PLXNA4: variants seen among roughly 807,000 people sequenced by gnomAD.
The protein encoded by PLXNA4 is plexin-A4.
Under a neutral mutation model 191.8 loss-of-function variants are expected in PLXNA4, and 44 were observed. The observed-to-expected ratio is 0.23, with a 90% confidence interval of 0.18 to 0.29. The LOEUF (loss-of-function observed/expected upper bound fraction) is 0.29. Ranked by LOEUF, PLXNA4 falls within the 10% of genes least tolerant of loss-of-function variation. The probability of loss-of-function intolerance (pLI) is 1.00; values close to 1 mark genes in which losing one functional copy is unlikely to be tolerated. For synonymous variants in PLXNA4, 1,082 were observed against 1,009.5 expected (o/e 1.07, Z -1.36); for missense variants, 1,800 against 2,488.8 (o/e 0.72, Z 5.89).
chr7:132,507,647 G>C lies in PLXNA4; in HGVS notation c.1047C>G (p.Ser349=), dbSNP rs185422182. The change falls in exon 2 of 32, where the codon TCC becomes TCG. Residue 349 remains serine, a synonymous_variant. Coordinates refer to ENST00000321063, the MANE Select transcript of PLXNA4 (RefSeq NM_020911.2). ...AGATGCACAGGGCCGACTCATCCAG[G>C]GATTTCATTTTCCGCTTCTGGCCCT... ...FSKGQKRKMK[S]LDESALCIFI... is the part of the protein sequence containing the mutation. 1.9e-6 allele frequency: 3 copies of C among 1,614,198 alleles called. No homozygotes were observed. In the African/African-American group the frequency reaches 4.0e-5, roughly 22 times the overall value.
At chr7:132,291,557 G>A (rs531982154) in intron 4 of PLXNA4, among the ~76,000 whole-genome samples, 1 of 152,184 alleles carries the variant, frequency 6.6e-6, no homozygotes, top group African/African-American at 2.4e-5. Context: ...GAATGAATAA[G>A]GTGCTGAGGG....
chr7:132,381,392 A>C (rs955472931), intron 3 of PLXNA4, among the ~76,000 whole-genome samples: 1 of 152,256 alleles, frequency 6.6e-6, no homozygotes, highest in Admixed American at 6.5e-5. Flanking sequence ...AAAAGAAGTG[A>C]TTCAAAATGT....
chr7:132,580,099 C>A (rs2116810955), upstream of PLXNA4, among the ~76,000 whole-genome samples: 1 of 152,232 alleles, frequency 6.6e-6, no homozygotes, highest in South Asian at 2.1e-4. Context: ...CAATGACATT[C>A]AAAGGACATA....
chr7:132,357,595 A>T (rs370644433), intron 3 of PLXNA4, among the ~76,000 whole-genome samples: 10 of 152,312 alleles, frequency 6.6e-5, no homozygotes, highest in African/African-American at 2.4e-4. Context: ...GTTGCCATGA[A>T]GATAGGATCC....
intron 3 of PLXNA4, among the ~76,000 whole-genome samples, chr7:132,405,354 T>C (rs1794176126): frequency 6.6e-6 from 1 of 152,146 alleles, no homozygotes; most frequent in Non-Finnish European, 1.5e-5. Flanking sequence ...TAGGAAATCC[T>C]AGGAACTGTG....
At chr7:132,580,357 C>A (rs1802379857), upstream of PLXNA4, among the ~76,000 whole-genome samples, 1 of 152,160 alleles carries the variant, frequency 6.6e-6, no homozygotes, top group Non-Finnish European at 1.5e-5. Context: ...TCCTCTACCC[C>A]CTCTCCCTTG....
At chr7:132,511,053 T>C (rs1798694238) in intron 1 of PLXNA4, among the ~76,000 whole-genome samples, 1 of 152,124 alleles carries the variant, frequency 6.6e-6, no homozygotes, top group African/African-American at 2.4e-5. Flanking sequence ...GAGCTGAGGG[T>C]CTGTGAACTC....
chr7:132,183,702 C>T (rs1796785987), intron 16 of PLXNA4, among the ~76,000 whole-genome samples: 1 of 152,228 alleles, frequency 6.6e-6, no homozygotes, highest in Non-Finnish European at 1.5e-5. Context: ...AGACGATTTT[C>T]CCCTCTCTGT....
intron 2 of PLXNA4, among the ~76,000 whole-genome samples, chr7:132,620,578 G>A (rs1803240791): frequency 1.3e-5 from 2 of 152,138 alleles, no homozygotes; most frequent in Admixed American, 1.3e-4. Context: ...ACATTGCCCT[G>A]GTTTATAACC....
intron 1 of PLXNA4, among the ~76,000 whole-genome samples, chr7:132,529,798 G>A (rs1799555024): frequency 6.6e-6 from 1 of 151,956 alleles, no homozygotes; most frequent in South Asian, 2.1e-4. Context: ...GTAGAGACGG[G>A]GTTTCACCAT....
intron 30 of PLXNA4, among the ~76,000 whole-genome samples, chr7:132,137,313 T>C (rs1433967121): frequency 1.3e-5 from 2 of 152,234 alleles, no homozygotes; most frequent in Non-Finnish European, 2.9e-5. Flanking sequence ...GTGACTCCAT[T>C]CTACTTACTT....
intron 1 of PLXNA4, among the ~76,000 whole-genome samples, chr7:132,534,259 T>C (rs562625592): frequency 1.4e-4 from 22 of 152,178 alleles, no homozygotes; most frequent in African/African-American, 5.1e-4. Context: ...AATCAGCAAT[T>C]CCAGATCTTC....
intron 4 of PLXNA4, among the ~76,000 whole-genome samples, chr7:132,280,180 C>T (rs1800427339): frequency 6.6e-6 from 1 of 152,160 alleles, no homozygotes; most frequent in Admixed American, 6.5e-5. Flanking sequence ...TTGAAAAACA[C>T]TGGCTTGACC....
chr7:132,560,900 C>G lies in PLXNA4; in HGVS notation c.-87+15522G>C, dbSNP rs184742026. Among the ~76,000 whole-genome samples the G allele has an allele frequency of 1.1e-3, 163 of 152,268 alleles. 2 individuals carry two copies. The highest frequency in any genetic ancestry group is 3.4e-3 in the Middle Eastern group (1 of 294). ...AGCCCCTTTCTCTCCTTTGCCACCC[C>G]CTTTGATCAGCCCCGGCTCAGGATG... On this transcript the variant is annotated intron_variant, in intron 1 of 31. Coordinates refer to ENST00000321063, the MANE Select transcript of PLXNA4 (RefSeq NM_020911.2).
chr7:132,247,558 G>A (rs965163155), intron 4 of PLXNA4, among the ~76,000 whole-genome samples: 8 of 152,212 alleles, frequency 5.3e-5, no homozygotes, highest in Non-Finnish European at 1.2e-4. Flanking sequence ...GTTGAGAAAA[G>A]TAAGTCCTTT....
chr7:132,458,536 C>A (rs1796387967), intron 3 of PLXNA4, among the ~76,000 whole-genome samples: 1 of 151,452 alleles, frequency 6.6e-6, no homozygotes, highest in Non-Finnish European at 1.5e-5. Flanking sequence ...CTCTCACAAA[C>A]TTAAGTAGAG....
chr7:132,489,330 G>A lies in PLXNA4; in HGVS notation c.1333C>T (p.Leu445=). ...CCACTTTTGGTGCCCACAAAGGCCA[G>A]AGAGTGGTTCTTGTAGACATATGCG... ...VIAYVYKNHS[L]AFVGTKSGKL... The change falls in exon 3 of 32, where the codon CTG becomes TTG. Residue 445 remains leucine (L), a synonymous_variant. Coordinates refer to ENST00000321063, the MANE Select transcript of PLXNA4 (RefSeq NM_020911.2). 1 of 1,596,496 alleles carries A rather than the reference G, an allele frequency of 6.3e-7. No homozygotes were observed. The highest frequency in any genetic ancestry group is 8.6e-7 in the Non-Finnish European group (1 of 1,165,118).
intron 3 of PLXNA4, among the ~76,000 whole-genome samples, chr7:132,374,408 G>C (rs1181168186): frequency 6.6e-6 from 1 of 152,092 alleles, no homozygotes; most frequent in African/African-American, 2.4e-5. Context: ...CACACGACAG[G>C]CTCCTTCACA....
intron 3 of PLXNA4, among the ~76,000 whole-genome samples, chr7:132,446,794 C>T (rs570076076): frequency 1.6e-4 from 25 of 152,226 alleles, no homozygotes; most frequent in African/African-American, 5.3e-4. Flanking sequence ...GAGTCTGAGG[C>T]CATATAACTA....
Sources: allele counts gnomAD v4.1 joint callset (sites outside exome capture counted in the v4.1 genomes callset), GRCh38; gene constraint gnomAD v4.1.1; transcripts MANE v1.5; gene names NCBI Gene and HGNC (gene_info 2026-07-23, HGNC 2026-07-21).